UQCC1: variants seen among roughly 807,000 people sequenced by gnomAD.
UQCC1 encodes ubiquinol-cytochrome c reductase complex assembly factor 1.
UQCC1 carries 38 observed loss-of-function variants against 48.0 expected under a neutral mutation model. The observed-to-expected ratio is 0.79, with a 90% CI of 0.61 to 1.04. The LOEUF (loss-of-function observed/expected upper bound fraction) is 1.04. UQCC1 is among the 50% of genes least tolerant of loss of function. UQCC1 has a pLI of 0.00. For missense variants in UQCC1, 368 were observed against 381.8 expected (o/e 0.96, Z 0.30); for synonymous variants, 111 against 129.2 (o/e 0.86, Z 0.95).
At chr20:35,337,986 C>T (rs930838941) in intron 7 of UQCC1, among the ~76,000 whole-genome samples, 2 of 151,360 alleles carry the variant, frequency 1.3e-5, no homozygotes, top group South Asian at 2.1e-4. Flanking sequence ...TCTCCTGGCC[C>T]GGCCCCTTCA....
At chr20:35,364,773 C>T (rs776678527) in intron 6 of UQCC1, among the ~76,000 whole-genome samples, 1 of 152,186 alleles carries the variant, frequency 6.6e-6, no homozygotes, top group Non-Finnish European at 1.5e-5. Flanking sequence ...CAAGGTTCTC[C>T]CATCTGCTGT....
intron 5 of UQCC1, among the ~76,000 whole-genome samples, chr20:35,367,113 A>AC (rs58992505): frequency 6.7e-6 from 1 of 149,270 alleles, no homozygotes. Context: ...AAAAAAACAA[A>AC]CAAAAAAACA....
intron 1 of UQCC1, among the ~76,000 whole-genome samples, chr20:35,404,583 G>A (rs1049091751): frequency 1.3e-5 from 2 of 151,436 alleles, no homozygotes; most frequent in African/African-American, 4.9e-5. Flanking sequence ...GAGTTAATGG[G>A]TGCAGCACAC....
intron 7 of UQCC1, among the ~76,000 whole-genome samples, chr20:35,324,988 A>G (rs2061176755): frequency 6.6e-6 from 1 of 152,244 alleles, no homozygotes; most frequent in Admixed American, 6.5e-5. Flanking sequence ...ATACCAAGGG[A>G]TATTATTCAG....
intron 7 of UQCC1, among the ~76,000 whole-genome samples, chr20:35,330,417 A>T (rs1286776977): frequency 6.6e-6 from 1 of 152,212 alleles, no homozygotes; most frequent in African/African-American, 2.4e-5. Flanking sequence ...TGAAATGATT[A>T]GGAGATGGCA....
chr20:35,334,676 G>A (rs909887077), intron 7 of UQCC1, among the ~76,000 whole-genome samples: 13 of 152,270 alleles, frequency 8.5e-5, no homozygotes, highest in Middle Eastern at 6.8e-3. Flanking sequence ...AATCATCCTT[G>A]TATCTCCAGT....
At chr20:35,346,999 AG>A (rs1252529932) in intron 7 of UQCC1, 164 bp downstream of exon 7, 1 of 1,554,500 alleles carries the variant, frequency 6.4e-7, no homozygotes, top group African/African-American at 1.4e-5. Flanking sequence ...GTGGAGTATT[AG>A]TTTCCACAGA....
chr20:35,410,748 G>A (rs1218869885), intron 1 of UQCC1, among the ~76,000 whole-genome samples: 5 of 45,248 alleles, frequency 1.1e-4, no homozygotes, highest in Non-Finnish European at 1.4e-4. Context: ...GGTGGCAGGG[G>A]AAGGATTAAA....
chr20:35,339,752 C>G (rs902578049), intron 7 of UQCC1, among the ~76,000 whole-genome samples: 2 of 152,212 alleles, frequency 1.3e-5, no homozygotes, highest in Admixed American at 6.5e-5. Context: ...TTGAGATCTG[C>G]AACTTCAAAT....
At chr20:35,399,301 T>C (rs1045985282) in intron 1 of UQCC1, among the ~76,000 whole-genome samples, 3 of 152,258 alleles carry the variant, frequency 2.0e-5, no homozygotes, top group Non-Finnish European at 4.4e-5. Context: ...CTGGCATTTA[T>C]TCCCTTTCTC....
At chr20:35,371,407 G>A (rs535689595) in intron 5 of UQCC1, among the ~76,000 whole-genome samples, 1 of 149,688 alleles carries the variant, frequency 6.7e-6, no homozygotes, top group South Asian at 2.1e-4. Flanking sequence ...GTGTGATCTC[G>A]ACTCACTGCA....
rs199820328 is a variant in UQCC1 at position 35,384,028 on chromosome 20, T to A, written c.225+10A>T. On this transcript the variant is annotated intron_variant, in intron 3 of 9. Transcript: ENST00000374385. ...ACTCTATAAACACAGAATGCACTGA[T>A]AATTCTCACCTTACGTGTGGTGTGA... The A allele has an allele frequency of 4.4e-6, 7 of 1,608,958 alleles. No homozygotes were observed. The highest frequency in any genetic ancestry group is 4.0e-5 in the African/African-American group (3 of 74,974).
intron 1 of UQCC1, among the ~76,000 whole-genome samples, chr20:35,405,500 G>C (rs1456063848): frequency 1.3e-5 from 2 of 152,136 alleles, no homozygotes; most frequent in Admixed American, 6.6e-5. Context: ...GCAATCAATA[G>C]AAACTGTCTC....
chr20:35,404,732 A>G (rs963008299), intron 1 of UQCC1, among the ~76,000 whole-genome samples: 17 of 151,896 alleles, frequency 1.1e-4, no homozygotes, highest in Admixed American at 2.6e-4. Flanking sequence ...CCTGTCTGAC[A>G]GTTCCTTAGA....
intron 8 of UQCC1, among the ~76,000 whole-genome samples, chr20:35,310,729 G>A (rs1456379071): frequency 1.6e-5 from 2 of 124,464 alleles, no homozygotes; most frequent in African/African-American, 6.4e-5. Context: ...GTCTCGCTCT[G>A]TCACCCAGGC....
intron 7 of UQCC1, among the ~76,000 whole-genome samples, chr20:35,342,340 A>G (rs2061390286): frequency 6.6e-6 from 1 of 152,224 alleles, no homozygotes; most frequent in East Asian, 1.9e-4. Context: ...AGCCAGCCTA[A>G]GGTTACCATT....
At chr20:35,397,553 A>G (rs1173711835) in intron 1 of UQCC1, among the ~76,000 whole-genome samples, 1 of 151,994 alleles carries the variant, frequency 6.6e-6, no homozygotes, top group Non-Finnish European at 1.5e-5. Flanking sequence ...AAATCAGGAA[A>G]AAAACATGCC....
intron 5 of UQCC1, among the ~76,000 whole-genome samples, chr20:35,371,494 T>A (rs1017560040): frequency 6.6e-6 from 1 of 151,694 alleles, no homozygotes; most frequent in Non-Finnish European, 1.5e-5. Context: ...CCCACCACCA[T>A]GCCCAGCTAA....
intron 7 of UQCC1, among the ~76,000 whole-genome samples, chr20:35,321,252 C>CTGTGTGTGTG (rs58532328): frequency 2.4e-3 from 351 of 147,314 alleles, no homozygotes; most frequent in Middle Eastern, 0.01. Flanking sequence ...ACAAACAAAA[C>CTGTGTGTGTG]TGTGTGTGTG....
Sources: gnomAD v4.1 joint callset for allele counts (sites outside exome capture counted in the v4.1 genomes callset) on GRCh38, gnomAD v4.1.1 for gene constraint, MANE v1.5 for transcripts, NCBI Gene and HGNC (gene_info 2026-07-23, HGNC 2026-07-21) for gene names.